EYA2: variants seen among roughly 807,000 people sequenced by gnomAD.
EYA2 encodes the protein EYA transcriptional coactivator and phosphatase 2, also known as protein phosphatase EYA2.
In EYA2, 31 loss-of-function variants were observed where a neutral mutation model predicts 69.2. The observed-to-expected ratio is 0.45, with a 90% CI of 0.34 to 0.60. The LOEUF (loss-of-function observed/expected upper bound fraction) is 0.60, where lower values mean the gene tolerates loss of function less well. Ranked by LOEUF, EYA2 falls within the 20% of genes least tolerant of loss-of-function variation. The pLI is 0.02. For missense variants in EYA2, 622 were observed against 701.2 expected (o/e 0.89, Z 1.28); for synonymous variants, 257 against 279.4 (o/e 0.92, Z 0.80).
intron 1 of EYA2, among the ~76,000 whole-genome samples, chr20:46,906,731 AG>A (rs1416759953): frequency 6.6e-6 from 1 of 152,204 alleles, no homozygotes; most frequent in African/African-American, 2.4e-5. Flanking sequence ...CAGCAAGTGC[AG>A]GGGTAGAGCC....
intron 1 of EYA2, among the ~76,000 whole-genome samples, chr20:46,895,900 C>T (rs1325847795): frequency 6.6e-6 from 1 of 152,188 alleles, no homozygotes; most frequent in Non-Finnish European, 1.5e-5. Flanking sequence ...CCTGCTTCCC[C>T]GAAGCCGAGG....
At chr20:47,029,934 A>G (rs903762326) in intron 5 of EYA2, among the ~76,000 whole-genome samples, 6 of 152,220 alleles carry the variant, frequency 3.9e-5, no homozygotes, top group Non-Finnish European at 8.8e-5. Flanking sequence ...AGGTGAGCAA[A>G]CTTTCTGTAA....
intron 1 of EYA2, among the ~76,000 whole-genome samples, chr20:46,906,559 A>G (rs1367287138): frequency 6.6e-6 from 1 of 152,226 alleles, no homozygotes; most frequent in Non-Finnish European, 1.5e-5. Context: ...ATAAAAAATA[A>G]TCTCTGAGGG....
At position 46,908,870 on chromosome 20, in the gene EYA2, C is replaced by CTTTTTT. The variant is rs56834738; in HGVS notation, c.-11+13915_-11+13920dup. ...AAAGGCACTAAGCCTCTCTCCCGCA[C>CTTTTTT]TTTTTTTTTTTTTTTTTTTTTTTTT... On this transcript the variant is annotated intron_variant, in intron 1 of 15. Transcript: ENST00000327619. Among the ~76,000 whole-genome samples the CTTTTTT allele has an allele frequency of 1.0e-3, 48 of 47,580 alleles. 12 individuals are homozygous for CTTTTTT. The highest frequency in any genetic ancestry group is 2.5e-3 in the East Asian group (2 of 806). 31.2% of individuals were successfully genotyped at this position (47,580 alleles called of 152,430 possible). A position where few individuals can be genotyped will look rare whatever the true frequency, so the allele number is the denominator to read the frequency against.
chr20:46,921,258 G>A (rs1391411763), intron 1 of EYA2, among the ~76,000 whole-genome samples: 1 of 152,202 alleles, frequency 6.6e-6, no homozygotes, highest in Non-Finnish European at 1.5e-5. Flanking sequence ...AAGCACAGAT[G>A]TTTCCTTGGG....
intron 5 of EYA2, among the ~76,000 whole-genome samples, chr20:47,051,916 G>A (rs900839796): frequency 1.3e-5 from 2 of 152,258 alleles, no homozygotes; most frequent in Non-Finnish European, 2.9e-5. Context: ...GCCCGGCACA[G>A]AGCAGATGCC....
chr20:47,122,506 G>T (rs1410005810), intron 9 of EYA2, among the ~76,000 whole-genome samples: 1 of 151,814 alleles, frequency 6.6e-6, no homozygotes, highest in Non-Finnish European at 1.5e-5. Context: ...CACCGTGTTA[G>T]CCAGGGTGGT....
intron 1 of EYA2, among the ~76,000 whole-genome samples, chr20:46,965,463 C>G (rs1353527222): frequency 6.6e-6 from 1 of 152,254 alleles, no homozygotes; most frequent in Non-Finnish European, 1.5e-5. Flanking sequence ...CCATCCACAG[C>G]CTTGGGCAAA....
chr20:46,963,030 G>A (rs545829993), intron 1 of EYA2, among the ~76,000 whole-genome samples: 11 of 152,244 alleles, frequency 7.2e-5, no homozygotes, highest in African/African-American at 9.6e-5. Context: ...CCTCCACCCC[G>A]TGGGATGACG....
intron 7 of EYA2, among the ~76,000 whole-genome samples, chr20:47,085,438 G>T (rs1458697141): frequency 2.6e-5 from 4 of 151,960 alleles, no homozygotes; most frequent in Non-Finnish European, 5.9e-5. Context: ...ATGAGGTCAA[G>T]AGATCGAGAC....
intron 1 of EYA2, among the ~76,000 whole-genome samples, chr20:46,961,300 T>C (rs1979462295): frequency 6.6e-6 from 1 of 152,140 alleles, no homozygotes; most frequent in East Asian, 1.9e-4. Context: ...CACTCCAGCC[T>C]GGGCAACAGA....
intron 1 of EYA2, among the ~76,000 whole-genome samples, chr20:46,936,156 G>C (rs1010493079): frequency 3.9e-5 from 6 of 152,118 alleles, no homozygotes; most frequent in African/African-American, 1.2e-4. Flanking sequence ...TAACAAGGAG[G>C]GGTTAATGAT....
At chr20:46,923,003 C>A (rs1216523167) in intron 1 of EYA2, among the ~76,000 whole-genome samples, 1 of 151,918 alleles carries the variant, frequency 6.6e-6, no homozygotes, top group Non-Finnish European at 1.5e-5. Flanking sequence ...GAGGAACATT[C>A]CATTTCAAAA....
chr20:47,040,065 T>G (rs1406699727), intron 5 of EYA2, among the ~76,000 whole-genome samples: 1 of 152,048 alleles, frequency 6.6e-6, no homozygotes, highest in Non-Finnish European at 1.5e-5. Context: ...GGTCTCGAAC[T>G]CCTGACCTCA....
chr20:47,029,005 C>T (rs531735817), intron 5 of EYA2, among the ~76,000 whole-genome samples: 1 of 152,214 alleles, frequency 6.6e-6, no homozygotes, highest in African/African-American at 2.4e-5. Flanking sequence ...TTGGTAGCAA[C>T]AAATTTTTAA....
At chr20:47,147,572 G>A (rs891031221) in intron 10 of EYA2, among the ~76,000 whole-genome samples, 13 of 152,194 alleles carry the variant, frequency 8.5e-5, no homozygotes, top group African/African-American at 2.9e-4. Flanking sequence ...GCCATTGTAA[G>A]GCTTTGGGTA....
chr20:46,933,023 C>T (rs775426166), intron 1 of EYA2, among the ~76,000 whole-genome samples: 13 of 152,178 alleles, frequency 8.5e-5, no homozygotes, highest in African/African-American at 1.2e-4. Context: ...TCCCCAGCCA[C>T]GCAGAACTGT....
chr20:47,098,331 C>T (rs960540885), intron 9 of EYA2, among the ~76,000 whole-genome samples: 5 of 152,164 alleles, frequency 3.3e-5, no homozygotes, highest in Non-Finnish European at 7.3e-5. Flanking sequence ...TTTGGGCTAT[C>T]CCAAAGGGGC....
chr20:47,088,913 G>A (rs892124575), intron 7 of EYA2, among the ~76,000 whole-genome samples: 2 of 152,148 alleles, frequency 1.3e-5, no homozygotes, highest in Non-Finnish European at 2.9e-5. Flanking sequence ...TTTCCCTCCC[G>A]GGCTTGGTGT....
Sources: allele counts gnomAD v4.1 joint callset (sites outside exome capture counted in the v4.1 genomes callset), GRCh38; gene constraint gnomAD v4.1.1; transcripts MANE v1.5; gene names NCBI Gene and HGNC (gene_info 2026-07-23, HGNC 2026-07-21).